Variants in NR2F6 observed in about 807,000 individuals in gnomAD.
NR2F6 encodes ERBA-related gene-2.
A neutral mutation model predicts 26.5 loss-of-function variants in NR2F6; 16 were observed. That is an observed-to-expected ratio of 0.60 (90% CI 0.41 to 0.92). The LOEUF (loss-of-function observed/expected upper bound fraction) is 0.92, where lower values mean the gene tolerates loss of function less well. Ranked by LOEUF, NR2F6 falls within the 40% of genes least tolerant of loss-of-function variation. The pLI is 0.00. For missense variants in NR2F6, 536 were observed against 631.7 expected (o/e 0.85, Z 1.62); for synonymous variants, 325 against 305.0 (o/e 1.07, Z -0.68).
intron 3 of NR2F6, among the ~76,000 whole-genome samples, chr19:17,233,287 C>T (rs192007971): frequency 7.9e-5 from 12 of 151,158 alleles, no homozygotes; most frequent in Middle Eastern, 3.4e-3. Context: ...ACAGCCTGGG[C>T]GACAGAGTAA....
rs543392377 is a variant in NR2F6 at position 17,240,136 on chromosome 19, C to T, written c.373+535G>A. Among the ~76,000 whole-genome samples the T allele has an allele frequency of 1.4e-4, 21 of 152,292 alleles. No individual in the cohort carries two copies. The South Asian group carries it at 2.5e-3, about 18-fold the overall frequency. ...GGGCCTCACTCTTGCTCCCAGCGCCCGGGGTCAGAAGAAAGGGTAAGCTGC... is the reference window on the plus strand; with the variant it reads ...GGGCCTCACTCTTGCTCCCAGCGCCTGGGGTCAGAAGAAAGGGTAAGCTGC... On this transcript the variant is annotated intron_variant, in intron 2 of 3. Coordinates refer to ENST00000291442, the MANE Select transcript of NR2F6 (RefSeq NM_005234.4).
intron 1 of NR2F6, among the ~76,000 whole-genome samples, chr19:17,243,394 A>C (rs1272181184): frequency 6.6e-6 from 1 of 152,214 alleles, no homozygotes; most frequent in Non-Finnish European, 1.5e-5. Context: ...TTTGAAGCTC[A>C]GAATGGAATG....
rs920197076 is a variant in NR2F6, at chr19:17,235,989, C to T, written c.450G>A (p.Ala150=). The change falls in exon 3 of 4, where the codon GCG becomes GCA. Residue 150 remains alanine (A), a synonymous_variant. Transcript: ENST00000291442. The surrounding 1 kb of genome is among the most constrained non-coding windows in gnomAD (Gnocchi z 5.0). ...CTCCGCCGCTCGCCACTGCCGCCAG[C>T]GCCGAGCCCGGGGGGCTGCCCGAGG... is the stretch of plus-strand genomic sequence containing the variant. ...AASSGSPPGS[A]LAAVASGGDL... is the part of the protein sequence containing the mutation. 105 of 1,447,706 alleles carry T rather than the reference C, an allele frequency of 7.3e-5. No individual in the cohort carries two copies. Among genetic ancestry groups the T allele is most frequent in the Non-Finnish European group, 9.4e-5 (104 of 1,105,092 alleles). 89.7% of individuals were successfully genotyped at this position (1,447,706 alleles called of 1,614,324 possible).
At chr19:17,240,455 T>C (rs996262932) in intron 2 of NR2F6, among the ~76,000 whole-genome samples, 2 of 152,124 alleles carry the variant, frequency 1.3e-5, no homozygotes, top group Non-Finnish European at 2.9e-5. Flanking sequence ...CGGATCCTAA[T>C]TGGATTCCTC....
chr19:17,244,950 T>C lies in NR2F6; in HGVS notation c.271A>G (p.Thr91Ala), dbSNP rs201360163. Residue 91 changes from threonine to alanine, a missense_variant, in exon 1 of 4, where the codon ACC becomes GCC. Coordinates refer to ENST00000291442, the MANE Select transcript of NR2F6 (RefSeq NM_005234.4). ...KRSIRRNLSY[T>A]CRSNRDCQID... ...CGCGGATGGGGGGCTCACCGGCAGGTGTAGCTGAGGTTGCGGCGGATGCTT... is the reference window on the plus strand; with the variant it reads ...CGCGGATGGGGGGCTCACCGGCAGGCGTAGCTGAGGTTGCGGCGGATGCTT... The C allele has an allele frequency of 1.3e-6, 2 of 1,551,996 alleles. No homozygotes were observed. Among genetic ancestry groups the C allele is most frequent in the Non-Finnish European group, 1.7e-6 (2 of 1,149,670 alleles).
chr19:17,236,099 C>T, intron 2 of NR2F6, 34 bp from the exon 3 acceptor site: 1 of 45,328 alleles, frequency 2.2e-5, no homozygotes, highest in Non-Finnish European at 2.9e-5. Flanking sequence ...GACATGGGGG[C>T]GGGAGGGGAG....
chr19:17,232,256 G>A lies in NR2F6; in HGVS notation c.*96C>T. On this transcript the variant is annotated 3_prime_UTR_variant, in exon 4 of 4. Coordinates refer to ENST00000291442, the MANE Select transcript of NR2F6 (RefSeq NM_005234.4). Reference sequence around the variant, plus strand: ...TAGAAGTCTGAGGAGAGAAGCCAGAGTCCTGGGCCCCGGGAGGCCCCTCGA... The same window carrying A: ...TAGAAGTCTGAGGAGAGAAGCCAGAATCCTGGGCCCCGGGAGGCCCCTCGA... The A allele has an allele frequency of 6.6e-7, 1 of 1,517,880 alleles. No homozygotes were observed. Among genetic ancestry groups the A allele is most frequent in the African/African-American group, 1.4e-5 (1 of 71,818 alleles). The allele number at this position is 1,517,880 out of a possible 1,614,324, so 94.0% of individuals were successfully genotyped here. A position where few individuals can be genotyped will look rare whatever the true frequency, so the allele number is the denominator to read the frequency against.
At chr19:17,237,802 GCTCT>G (rs1347210731) in intron 2 of NR2F6, among the ~76,000 whole-genome samples, 3 of 152,260 alleles carry the variant, frequency 2.0e-5, no homozygotes, top group Admixed American at 6.5e-5. Flanking sequence ...CAACTCTGTT[GCTCT>G]CTGACAAATG....
At chr19:17,238,206 A>G (rs1183968207) in intron 2 of NR2F6, among the ~76,000 whole-genome samples, 2 of 152,212 alleles carry the variant, frequency 1.3e-5, no homozygotes, top group Non-Finnish European at 2.9e-5. Flanking sequence ...CAGGAAAGGT[A>G]ATTACATGGT....
At position 17,241,679 on chromosome 19, in the gene NR2F6, AG is replaced by A. The variant is rs368068465; in HGVS notation, c.279-915del. On this transcript the variant is annotated intron_variant, in intron 1 of 3. Transcript: ENST00000291442. ...CCCCTGGGGTTCCAGCTGGACACCCAGGGGACACACAGAGACAGTCACAGAG... is the reference window on the plus strand; with the variant it reads ...CCCCTGGGGTTCCAGCTGGACACCCAGGGACACACAGAGACAGTCACAGAG... Among the ~76,000 whole-genome samples the A allele has an allele frequency of 8.0e-3, 1,221 of 152,340 alleles. 14 individuals carry two copies. Among genetic ancestry groups the A allele is most frequent in the Middle Eastern group, 0.031 (9 of 294 alleles).
chr19:17,235,648 C>G lies in NR2F6; in HGVS notation c.791G>C (p.Gly264Ala). ...LHTAPLLAAA[G>A]LHAAPMAAER... ...GGCGGCCATAGGCGCGGCGTGGAGG[C>G]CGGCGGCGGCCAGTAGCGGCGCCGT... Residue 264 changes from glycine (G) to alanine (A), a missense_variant, in exon 3 of 4, where the codon GGC (glycine) becomes GCC (alanine). Coordinates refer to ENST00000291442, the MANE Select transcript of NR2F6 (RefSeq NM_005234.4). This position sits in a 1 kb window ranked among gnomAD's most constrained non-coding sequence, Gnocchi z 5.0. 1 of 1,527,040 alleles carries G rather than the reference C, an allele frequency of 6.5e-7. No individual in the cohort carries two copies. Among genetic ancestry groups the G allele is most frequent in the Non-Finnish European group, 8.7e-7 (1 of 1,144,916 alleles). 94.6% of individuals were successfully genotyped at this position (1,527,040 alleles called of 1,614,324 possible).
At chr19:17,237,410 C>A (rs903449985) in intron 2 of NR2F6, among the ~76,000 whole-genome samples, 1 of 147,980 alleles carries the variant, frequency 6.8e-6, no homozygotes, top group African/African-American at 2.5e-5. Flanking sequence ...TCTCTCTCTC[C>A]CTCTCTCTCT....
chr19:17,244,858 C>A (rs1355398140), intron 1 of NR2F6, 85 bp downstream of exon 1: 24 of 1,483,314 alleles, frequency 1.6e-5, no homozygotes, highest in South Asian at 1.5e-4. Context: ...AGGTCAGCGC[C>A]AGGCCCAAGG....
Position 17,235,251 on chromosome 19 carries a change from G to A in NR2F6, c.940+248C>T, listed in dbSNP as rs775512566. Among the ~76,000 whole-genome samples, 13 of 152,214 alleles carry A rather than the reference G, an allele frequency of 8.5e-5. No homozygotes were observed. The highest frequency in any genetic ancestry group is 3.3e-4 in the Admixed American group (5 of 15,290). On this transcript the variant is annotated intron_variant, in intron 3 of 3. Coordinates refer to ENST00000291442, the MANE Select transcript of NR2F6 (RefSeq NM_005234.4). The surrounding 1 kb of genome is among the most constrained non-coding windows in gnomAD (Gnocchi z 5.0). ...TGGGCCCTGGTCCTGGCCCAGCCTTGGGTCTGGGGTCCGGGGTTCAGAGTT... is the reference window on the plus strand; with the variant it reads ...TGGGCCCTGGTCCTGGCCCAGCCTTAGGTCTGGGGTCCGGGGTTCAGAGTT...
At position 17,232,552 on chromosome 19, in the gene NR2F6, C is replaced by A; in HGVS notation, c.1015G>T (p.Val339Leu). ...EKAQVALTEY[V>L]RAQYPSQPQR... ...GGCTGGGACGGGTACTGCGCCCGCACATACTCGGTGAGGGCCACCTGCGCC... is the reference window on the plus strand; with the variant it reads ...GGCTGGGACGGGTACTGCGCCCGCAAATACTCGGTGAGGGCCACCTGCGCC... The change falls in exon 4 of 4, where the codon GTG becomes TTG. Residue 339 changes from valine (V) to leucine (L), a missense_variant. By Grantham distance (32) the Val-to-Leu change is conservative. Coordinates refer to ENST00000291442, the MANE Select transcript of NR2F6 (RefSeq NM_005234.4). The A allele has an allele frequency of 6.2e-7, 1 of 1,601,072 alleles. No individual in the cohort carries two copies. Among genetic ancestry groups the A allele is most frequent in the Non-Finnish European group, 8.5e-7 (1 of 1,172,524 alleles).
At chr19:17,243,818 A>T (rs1490301453) in intron 1 of NR2F6, among the ~76,000 whole-genome samples, 1 of 151,954 alleles carries the variant, frequency 6.6e-6, no homozygotes, top group East Asian at 1.9e-4. Context: ...CTAGCCCCAC[A>T]GTTCCCCCAC....
At chr19:17,244,916 G>A (rs1213328289) in intron 1 of NR2F6, 27 bp downstream of exon 1, 1 of 1,554,796 alleles carries the variant, frequency 6.4e-7, no homozygotes. Context: ...GGGGTGCACG[G>A]CGGCGGCGCG....
At chr19:17,237,394 C>CCT (rs1297543186) in intron 2 of NR2F6, among the ~76,000 whole-genome samples, 18 of 136,716 alleles carry the variant, frequency 1.3e-4, no homozygotes, top group African/African-American at 3.5e-4. Context: ...TTCCTTTCTT[C>CCT]CTCTCTCTCT....
chr19:17,237,141 T>TA (rs2073443274), intron 2 of NR2F6, among the ~76,000 whole-genome samples: 1 of 152,148 alleles, frequency 6.6e-6, no homozygotes, highest in Non-Finnish European at 1.5e-5. Flanking sequence ...CGAACAGAGC[T>TA]AAGCGGAGAA....
Sources: allele counts gnomAD v4.1 joint callset (sites outside exome capture counted in the v4.1 genomes callset), GRCh38; gene constraint gnomAD v4.1.1; non-coding constraint Gnocchi (gnomAD v3.1); transcripts MANE v1.5; gene names NCBI Gene and HGNC (gene_info 2026-07-23, HGNC 2026-07-21).